Variants in NEB observed in about 807,000 individuals in gnomAD.
NEB encodes the protein nemaline myopathy type 2.
In NEB, 512 loss-of-function variants were observed where a neutral mutation model predicts 952.2. The observed-to-expected ratio is 0.54, with a 90% CI of 0.50 to 0.58. The LOEUF (loss-of-function observed/expected upper bound fraction) is 0.58. NEB is among the 20% of genes least tolerant of loss of function. The probability of loss-of-function intolerance (pLI) is 0.00; values close to 1 mark genes in which losing one functional copy is unlikely to be tolerated. For synonymous variants in NEB, 2,900 were observed against 3,149.8 expected, an observed-to-expected ratio of 0.92 and a Z score of 2.66; for missense variants, 8,428 against 9,231.1, an observed-to-expected ratio of 0.91 and a Z score of 3.56.
At chr2:151,510,826 T>G (rs114353777) in intron 161 of NEB, among the ~76,000 whole-genome samples, 5 of 152,188 alleles carry the variant, frequency 3.3e-5, no homozygotes, top group Non-Finnish European at 7.3e-5. Flanking sequence ...GAGACTACTG[T>G]ATAGTATCCT....
intron 135 of NEB, among the ~76,000 whole-genome samples, chr2:151,545,207 G>T (rs1475313461): frequency 6.6e-6 from 1 of 152,226 alleles, no homozygotes; most frequent in Non-Finnish European, 1.5e-5. Flanking sequence ...CCATGCTCGG[G>T]GCTCCTGATA....
At position 151,612,397 on chromosome 2, in the gene NEB, T is replaced by G; in HGVS notation, c.11602-8A>C. ...ATCAGATTTGTAAATAGCCTGAAAATGAAATAATGTCAAATATTTATAGAT... is the reference window on the plus strand; with the variant it reads ...ATCAGATTTGTAAATAGCCTGAAAAGGAAATAATGTCAAATATTTATAGAT... On this transcript the variant is annotated splice_polypyrimidine_tract_variant and splice_region_variant and intron_variant, in intron 77 of 181. Transcript: ENST00000397345. 3 of 1,611,230 alleles carry G rather than the reference T, an allele frequency of 1.9e-6. No homozygotes were observed. The highest frequency in any genetic ancestry group is 2.5e-6 in the Non-Finnish European group (3 of 1,177,668).
rs757817270 is a variant in NEB, at chr2:151,569,506, G to C, written c.17431-134C>G. 23 of 687,104 alleles carry C rather than the reference G, an allele frequency of 3.3e-5. No individual in the cohort carries two copies. The East Asian group carries it at 5.9e-4, about 18-fold the overall frequency. 42.6% of individuals were successfully genotyped at this position (687,104 alleles called of 1,614,324 possible). On this transcript the variant is annotated intron_variant, in intron 109 of 181. Transcript: ENST00000397345. The stretch of plus-strand genomic sequence containing the variant: ...GAGGACATACTCAAGCAGCCACGCA[G>C]GTAATGTAAGAAAATTAATTAGGCG...
chr2:151,697,513 T>A (rs1220968864), intron 14 of NEB, 31 bp downstream of exon 14: 1 of 1,608,188 alleles, frequency 6.2e-7, no homozygotes, highest in Middle Eastern at 1.7e-4. Flanking sequence ...GTTCTTTTTT[T>A]AACAGAAAGA....
In NEB at chr2:151,492,221, G is replaced by C; in HGVS notation, c.24934C>G (p.Pro8312Ala). Reference sequence around the variant, plus strand: ...TTCTTCTTTACTCGTTCAGTGATAGGATCTGTCACCACTGGTGTGAAGCAA... The same window carrying C: ...TTCTTCTTTACTCGTTCAGTGATAGCATCTGTCACCACTGGTGTGAAGCAA... ...KGCFTPVVTD[P>A]ITERVKKNMQ... Residue 8312 changes from proline (P) to alanine (A), a missense_variant, in exon 178 of 182, where the codon CCT (proline) becomes GCT (alanine). Physicochemically the swap from Pro to Ala is conservative, Grantham distance 27 (BLOSUM62 -1). Coordinates refer to ENST00000397345, the MANE Select transcript of NEB (RefSeq NM_001164508.2). The C allele has an allele frequency of 6.2e-7, 1 of 1,613,818 alleles. No individual in the cohort carries two copies. The highest frequency in any genetic ancestry group is 8.5e-7 in the Non-Finnish European group (1 of 1,179,808).
chr2:151,668,985 G>C, intron 39 of NEB, 42 bp downstream of exon 39: 1 of 1,385,770 alleles, frequency 7.2e-7, no homozygotes, highest in Non-Finnish European at 1.0e-6. Flanking sequence ...CCAGAAAGGA[G>C]AGGCCCGCAT....
rs1230390315 is a variant in NEB, at chr2:151,527,527, C to T, written c.21794G>A (p.Arg7265Gln). The T allele has an allele frequency of 4.3e-6, 7 of 1,613,410 alleles. No individual in the cohort carries two copies. The highest frequency in any genetic ancestry group is 3.3e-5 in the Admixed American group (2 of 59,984). Reference sequence around the variant, plus strand: ...CTTGGCAGCCTGGAGGAAGTCCGGTCGGTCAGGAGTCCACTTCCAGTGGGC... The same window carrying T: ...CTTGGCAGCCTGGAGGAAGTCCGGTTGGTCAGGAGTCCACTTCCAGTGGGC... ...NKAHWKWTPD[R>Q]PDFLQAAKSS... The change falls in exon 147 of 182, where the codon CGA (arginine) becomes CAA (glutamine). Residue 7265 changes from arginine to glutamine, a missense_variant. Arg to Gln is a conservative substitution (Grantham distance 43). Transcript: ENST00000397345.
chr2:151,506,242 T>A lies in NEB; in HGVS notation c.23573A>T (p.Asp7858Val), dbSNP rs766909197. ...KNFSSVLYKE[D>V]VSPGTAIGKT... is the part of the protein sequence containing the mutation. Reference sequence around the variant, plus strand: ...TCCGATAGCCGTTCCTGGTGAGACATCCTCTTTATATAAAACCTGGGCATT... The same window carrying A: ...TCCGATAGCCGTTCCTGGTGAGACAACCTCTTTATATAAAACCTGGGCATT... Residue 7858 changes from aspartate (D) to valine (V), a missense_variant, in exon 164 of 182, where the codon GAT becomes GTT. Asp to Val is a radical substitution (Grantham distance 152). Around this residue, in one of 11 missense-constraint regions of NEB, gnomAD observed 3,374 missense variants for 3,651.5 expected, o/e 0.92. Transcript: ENST00000397345. 1 of 1,613,084 alleles carries A rather than the reference T, an allele frequency of 6.2e-7. No individual in the cohort carries two copies. The highest frequency in any genetic ancestry group is 2.2e-5 in the East Asian group (1 of 44,870).
At chr2:151,532,227 C>T in intron 143 of NEB, 1 of 228,762 alleles carries the variant, frequency 4.4e-6, no homozygotes, top group Non-Finnish European at 8.7e-6. Flanking sequence ...CTCCCAAGTT[C>T]CAATATGTTT....
chr2:151,576,056 TAA>T, intron 106 of NEB, 93 bp downstream of exon 106: 1 of 1,040,646 alleles, frequency 9.6e-7, no homozygotes, highest in South Asian at 2.2e-5. Flanking sequence ...TTGTTATTAA[TAA>T]AGTTTTTATT....
rs775513148 is a variant in NEB at position 151,545,882 on chromosome 2, C to T, written c.20577+6G>A. The T allele has an allele frequency of 3.2e-5, 49 of 1,552,276 alleles. No homozygotes were observed. The highest frequency in any genetic ancestry group is 5.4e-5 in the African/African-American group (4 of 73,460). ...TTGACTTCAATGACAAGTAAAGCGTCCTTACCTCACTCAGATGTGTCTTCA... is the reference window on the plus strand; with the variant it reads ...TTGACTTCAATGACAAGTAAAGCGTTCTTACCTCACTCAGATGTGTCTTCA... On this transcript the variant is annotated splice_donor_region_variant and intron_variant, in intron 135 of 181. Transcript: ENST00000397345.
At chr2:151,617,103 G>T (rs958416453) in intron 75 of NEB, among the ~76,000 whole-genome samples, 1 of 152,200 alleles carries the variant, frequency 6.6e-6, no homozygotes, top group African/African-American at 2.4e-5. Flanking sequence ...GTGACCTGTA[G>T]GGGAAGGTTT....
Position 151,581,575 on chromosome 2 carries a change from C to T in NEB, c.16192G>A (p.Asp5398Asn), listed in dbSNP as rs750810441. Residue 5398 changes from aspartate to asparagine, a missense_variant, in exon 103 of 182, where the codon GAT becomes AAT. This residue lies in a region of NEB where 40 missense variants were observed against 61.2 expected (regional missense o/e 0.65). Coordinates refer to ENST00000397345, the MANE Select transcript of NEB (RefSeq NM_001164508.2). Reference protein sequence around the residue: ...AVQISEPLYRDAWEKEKANVN... With the variant: ...AVQISEPLYRNAWEKEKANVN... ...TTAGCCTTCTCTTTCTCCCAGGCATCGCGATACAATGGCTGGGAAAAATGA... is the reference window on the plus strand; with the variant it reads ...TTAGCCTTCTCTTTCTCCCAGGCATTGCGATACAATGGCTGGGAAAAATGA... The T allele has an allele frequency of 2.0e-3, 1,705 of 862,226 alleles. 19 individuals are homozygous for T. Among genetic ancestry groups the T allele is most frequent in the Middle Eastern group, 9.3e-3 (27 of 2,916 alleles). 53.4% of individuals were successfully genotyped at this position (862,226 alleles called of 1,614,324 possible). A position where few individuals can be genotyped will look rare whatever the true frequency, so the allele number is the denominator to read the frequency against.
chr2:151,711,997 T>C (rs1461487427), intron 10 of NEB, among the ~76,000 whole-genome samples: 1 of 152,208 alleles, frequency 6.6e-6, no homozygotes, highest in East Asian at 1.9e-4. Context: ...GATTTCTGGA[T>C]TTGCTAAGAC....
chr2:151,534,380 C>A, intron 142 of NEB: 1 of 1,452,308 alleles, frequency 6.9e-7, no homozygotes, highest in Non-Finnish European at 9.6e-7. Flanking sequence ...ACAAAAATGT[C>A]TCAAGGTAAA....
At chr2:151,520,167 G>T (rs77889129) in intron 153 of NEB, among the ~76,000 whole-genome samples, 4,334 of 152,174 alleles carry the variant, frequency 0.028, 96 homozygotes, top group Non-Finnish European at 0.044. Context: ...GAAATCCAAA[G>T]AAGGGCTGTA....
chr2:151,525,768 A>G (rs771411474), intron 150 of NEB, among the ~76,000 whole-genome samples, 190 bp downstream of exon 150: 49 of 152,248 alleles, frequency 3.2e-4, no homozygotes, highest in Non-Finnish European at 6.5e-4. Flanking sequence ...CACATTTGCC[A>G]TAATTGCCAG....
intron 47 of NEB, among the ~76,000 whole-genome samples, chr2:151,658,783 C>A (rs796606193): frequency 2.6e-5 from 4 of 152,132 alleles, no homozygotes; most frequent in African/African-American, 9.6e-5. Context: ...TTCTCCTGGC[C>A]CCGGAGCCTG....
At chr2:151,665,225 G>C (rs926984839) in intron 42 of NEB, 108 bp downstream of exon 42, 1 of 1,061,636 alleles carries the variant, frequency 9.4e-7, no homozygotes, top group African/African-American at 1.6e-5. Context: ...CCACCGGCAC[G>C]AAGACGATCA....
Sources: allele counts gnomAD v4.1 joint callset (sites outside exome capture counted in the v4.1 genomes callset), GRCh38; gene constraint gnomAD v4.1.1; regional missense constraint gnomAD v4.1.1; transcripts MANE v1.5; gene names NCBI Gene and HGNC (gene_info 2026-07-23, HGNC 2026-07-21).